Variants in ZPBP observed in about 807,000 individuals in gnomAD.
ZPBP encodes the protein zona pellucida binding protein.
In ZPBP, 26 loss-of-function variants were observed where a neutral mutation model predicts 44.8. The observed-to-expected ratio is 0.58, with a 90% CI of 0.43 to 0.81. ZPBP has a LOEUF of 0.81. Among genes scored for constraint, ZPBP ranks in the 30% least tolerant of loss-of-function variants. The pLI, the probability that ZPBP is intolerant of heterozygous loss-of-function variation, is 0.00. For missense variants in ZPBP, 409 were observed against 434.0 expected (o/e 0.94, Z 0.51); for synonymous variants, 174 against 153.2 (o/e 1.14, Z -1.00).
At chr7:49,899,790 T>G (rs1432485912) in intron 2 of ZPBP, among the ~76,000 whole-genome samples, 8 of 151,942 alleles carry the variant, frequency 5.3e-5, no homozygotes, top group Admixed American at 5.2e-4. Context: ...AGTAAGGACA[T>G]AGTTGACCTG....
intron 2 of ZPBP, among the ~76,000 whole-genome samples, chr7:49,877,480 AAATATATATAT>A (rs1459632946): frequency 3.0e-4 from 7 of 23,504 alleles, no homozygotes; most frequent in South Asian, 3.6e-3. Flanking sequence ...AAAAAAAAAA[AAATATATATAT>A]ATATATATAT....
intron 2 of ZPBP, among the ~76,000 whole-genome samples, chr7:49,894,026 T>G (rs766877449): frequency 1.3e-5 from 2 of 152,204 alleles, no homozygotes; most frequent in African/African-American, 2.4e-5. Context: ...TGACGAACCA[T>G]TCCTCAACAC....
intron 1 of ZPBP, among the ~76,000 whole-genome samples, chr7:49,911,390 G>A (rs1384390838): frequency 1.4e-5 from 2 of 147,288 alleles, no homozygotes; most frequent in Non-Finnish European, 3.0e-5. Flanking sequence ...GCTGCGGCAG[G>A]AGAATCGCTT....
chr7:49,922,046 C>T (rs926206862), intron 1 of ZPBP: 11 of 151,938 alleles, frequency 7.2e-5, no homozygotes, highest in Non-Finnish European at 1.5e-4. Flanking sequence ...AATGTATATA[C>T]GTCATTAAAA....
intron 4 of ZPBP, among the ~76,000 whole-genome samples, chr7:50,057,438 A>T (rs1801010768): frequency 6.6e-6 from 1 of 152,056 alleles, no homozygotes; most frequent in Non-Finnish European, 1.5e-5. Flanking sequence ...CCTCTGACCT[A>T]ACTCGGCCAG....
intron 2 of ZPBP, among the ~76,000 whole-genome samples, chr7:49,854,976 G>A (rs1448756125): frequency 1.3e-5 from 2 of 152,222 alleles, no homozygotes; most frequent in African/African-American, 2.4e-5. Context: ...TTTGTCATAA[G>A]AGTAGTGCCA....
chr7:49,964,582 A>C (rs1034145650), intron 7 of ZPBP, among the ~76,000 whole-genome samples: 1 of 152,096 alleles, frequency 6.6e-6, no homozygotes, highest in Non-Finnish European at 1.5e-5. Context: ...GAAACTTAAG[A>C]AGCCCTAAAG....
At chr7:50,069,852 T>C (rs925015122) in intron 3 of ZPBP, among the ~76,000 whole-genome samples, 1 of 152,020 alleles carries the variant, frequency 6.6e-6, no homozygotes, top group African/African-American at 2.4e-5. Context: ...ACGAAGCTGG[T>C]CCTATCAGCC....
At chr7:50,020,694 A>C (rs1584058085) in intron 5 of ZPBP, among the ~76,000 whole-genome samples, 1 of 152,144 alleles carries the variant, frequency 6.6e-6, no homozygotes, top group Non-Finnish European at 1.5e-5. Flanking sequence ...TGCCAGCAAA[A>C]ATAGTAAAGA....
chr7:49,923,172 G>C (rs1370747988), intron 1 of ZPBP, among the ~76,000 whole-genome samples: 1 of 152,084 alleles, frequency 6.6e-6, no homozygotes, highest in Admixed American at 6.5e-5. Context: ...GGATGGAACA[G>C]AAAAACAATG....
chr7:49,906,584 C>A (rs551342158), intron 1 of ZPBP, among the ~76,000 whole-genome samples: 17 of 152,336 alleles, frequency 1.1e-4, no homozygotes, highest in African/African-American at 3.6e-4. Context: ...GATCCACCCA[C>A]CTTGGCCTCA....
intron 7 of ZPBP, among the ~76,000 whole-genome samples, chr7:49,950,419 T>C (rs1422136025): frequency 6.6e-6 from 1 of 151,872 alleles, no homozygotes; most frequent in East Asian, 1.9e-4. Context: ...ACCATGACAA[T>C]TTTATTTTAT....
chr7:49,874,595 AAG>A (rs1369035725), intron 2 of ZPBP, among the ~76,000 whole-genome samples: 15 of 151,972 alleles, frequency 9.9e-5, no homozygotes, highest in African/African-American at 2.4e-4. Context: ...CATGGAGAGA[AAG>A]AGAGAAATAT....
chr7:50,051,831 T>C (rs1211872969), intron 4 of ZPBP, among the ~76,000 whole-genome samples: 1 of 151,950 alleles, frequency 6.6e-6, no homozygotes, highest in Admixed American at 6.6e-5. Context: ...GGAAGAACAT[T>C]AGGAAAAATA....
At chr7:49,889,755 C>A (rs1397770302) in intron 2 of ZPBP, among the ~76,000 whole-genome samples, 2 of 152,120 alleles carry the variant, frequency 1.3e-5, no homozygotes, top group Non-Finnish European at 2.9e-5. Context: ...AAACAACAAA[C>A]CTGATTAACA....
intron 7 of ZPBP, among the ~76,000 whole-genome samples, chr7:49,953,608 G>C (rs1406614343): frequency 6.6e-6 from 1 of 152,020 alleles, no homozygotes; most frequent in Non-Finnish European, 1.5e-5. Context: ...CAAAGACTCA[G>C]AAGAAACAAA....
intron 4 of ZPBP, among the ~76,000 whole-genome samples, chr7:50,038,584 G>A (rs1799925165): frequency 6.6e-6 from 1 of 152,176 alleles, no homozygotes; most frequent in African/African-American, 2.4e-5. Flanking sequence ...CAAAACTGCT[G>A]TGGGTACACC....
At chr7:49,979,826 T>TAC (rs1336948281) in intron 7 of ZPBP, among the ~76,000 whole-genome samples, 12 of 9,060 alleles carry the variant, frequency 1.3e-3, no homozygotes, top group Non-Finnish European at 2.9e-3. Context: ...GAGTTATACA[T>TAC]ATATATATAT....
In ZPBP at chr7:50,031,394, A is replaced by G. The variant is rs991359152; in HGVS notation, c.488-84T>C. ...TTGCAACTATTTAAGAAATATCATT[A>G]TTTGGTATGAATTCTTGGTACATGT... On this transcript the variant is annotated intron_variant, in intron 4 of 7. Coordinates refer to ENST00000046087, the MANE Select transcript of ZPBP (RefSeq NM_007009.3). The G allele has an allele frequency of 4.9e-6, 5 of 1,025,426 alleles. No individual in the cohort carries two copies. The African/African-American group carries it at 6.5e-5, about 13-fold the overall frequency. 63.5% of individuals were successfully genotyped at this position (1,025,426 alleles called of 1,614,324 possible). A position where few individuals can be genotyped will look rare whatever the true frequency, so the allele number is the denominator to read the frequency against.
Sources: gnomAD v4.1 joint callset for allele counts (sites outside exome capture counted in the v4.1 genomes callset) on GRCh38, gnomAD v4.1.1 for gene constraint, MANE v1.5 for transcripts, NCBI Gene and HGNC (gene_info 2026-07-23, HGNC 2026-07-21) for gene names.